Variants in RERE observed in about 807,000 individuals in gnomAD.
RERE encodes the protein arginine-glutamic acid dipeptide repeats, also known as arginine-glutamic acid dipeptide repeats protein.
Under a neutral mutation model 146.1 loss-of-function variants are expected in RERE, and 40 were observed. The observed-to-expected ratio is 0.27, with a 90% CI of 0.21 to 0.36. The LOEUF is 0.36. Among genes scored for constraint, RERE ranks in the 10% least tolerant of loss-of-function variants. The probability of loss-of-function intolerance (pLI) is 1.00; values close to 1 mark genes in which losing one functional copy is unlikely to be tolerated. For missense variants in RERE, 1,933 were observed against 2,138.7 expected, an observed-to-expected ratio of 0.90 and a Z score of 1.90; for synonymous variants, 1,003 against 866.0, an observed-to-expected ratio of 1.16 and a Z score of -2.78.
chr1:8,614,717 G>A, intron 3 of RERE, 31 bp from the exon 4 acceptor site: 1 of 1,587,550 alleles, frequency 6.3e-7, no homozygotes, highest in Non-Finnish European at 8.6e-7. Flanking sequence ...AAGTTAACGT[G>A]CCCAACGCCC....
intron 3 of RERE, among the ~76,000 whole-genome samples, chr1:8,620,777 C>G (rs1401469122): frequency 6.6e-6 from 1 of 151,702 alleles, no homozygotes; most frequent in Non-Finnish European, 1.5e-5. Flanking sequence ...TCTACCCTGC[C>G]TCTTCTGCTT....
At chr1:8,355,700 G>A (rs756440555) in intron 21 of RERE, 101 bp from the exon 22 acceptor site, 14 of 1,050,844 alleles carry the variant, frequency 1.3e-5, no homozygotes, top group Non-Finnish European at 1.9e-5. Context: ...CAGGAGAGGT[G>A]CCAGTTCGGA....
At chr1:8,413,337 A>G (rs1367497663) in intron 12 of RERE, among the ~76,000 whole-genome samples, 2 of 152,148 alleles carry the variant, frequency 1.3e-5, no homozygotes, top group African/African-American at 2.4e-5. Flanking sequence ...AATAAATTTT[A>G]ATTTTGTTTT....
chr1:8,401,038 CATATATATATATATAT>C lies in RERE; in HGVS notation c.1284+21673_1284+21688del, dbSNP rs59752248. Among the ~76,000 whole-genome samples the C allele has an allele frequency of 5.9e-4, 34 of 57,486 alleles. 2 individuals are homozygous for C. Among genetic ancestry groups the C allele is most frequent in the Admixed American group, 3.9e-3 (16 of 4,118 alleles). 37.7% of individuals were successfully genotyped at this position (57,486 alleles called of 152,430 possible). ...GTCTCAAAAAAAAAAAAAAAAAAAC[CATATATATATATATAT>C]ATATATATATATATATATGTCACTT... On this transcript the variant is annotated intron_variant, in intron 12 of 22. Coordinates refer to ENST00000400908, the MANE Select transcript of RERE (RefSeq NM_001042681.2).
At position 8,495,056 on chromosome 1, in the gene RERE, G is replaced by C. The variant is rs373031160; in HGVS notation, c.1104+7C>G. 2 of 1,602,068 alleles carry C rather than the reference G, an allele frequency of 1.2e-6. No individual in the cohort carries two copies. Reference sequence around the variant, plus strand: ...CTTCCCACTCAGGGTGACTTCAAAAGACTTACTGTGTTCAGTGCATTCAGA... The same window carrying C: ...CTTCCCACTCAGGGTGACTTCAAAACACTTACTGTGTTCAGTGCATTCAGA... On this transcript the variant is annotated splice_region_variant and intron_variant, in intron 10 of 22. Coordinates refer to ENST00000400908, the MANE Select transcript of RERE (RefSeq NM_001042681.2).
At position 8,774,347 on chromosome 1, in the gene RERE, A is replaced by ATTTTT. The variant is rs34859762; in HGVS notation, c.-145+42808_-145+42812dup. Among the ~76,000 whole-genome samples the ATTTTT allele has an allele frequency of 8.7e-4, 81 of 93,166 alleles. 2 individuals carry two copies. The highest frequency in any genetic ancestry group is 1.5e-3 in the South Asian group (4 of 2,724). The allele number at this position is 93,166 out of a possible 152,430, so 61.1% of individuals were successfully genotyped here. On this transcript the variant is annotated intron_variant, in intron 1 of 22. Coordinates refer to ENST00000400908, the MANE Select transcript of RERE (RefSeq NM_001042681.2). ...ATTATCTCCTTCATTTTGGCAAACT[A>ATTTTT]TTTTTTTTTTTTTTTTTTTTTTTGC...
intron 1 of RERE, among the ~76,000 whole-genome samples, chr1:8,678,336 G>A (rs1046804377): frequency 9.9e-5 from 15 of 152,020 alleles, no homozygotes; most frequent in African/African-American, 2.9e-4. Flanking sequence ...CGACTTTTGG[G>A]TCTTTTGTTT....
At chr1:8,652,164 T>C (rs1647662234) in intron 2 of RERE, among the ~76,000 whole-genome samples, 2 of 152,090 alleles carry the variant, frequency 1.3e-5, no homozygotes, top group Admixed American at 6.6e-5. Context: ...AGACATCCAC[T>C]GGACCTGGCA....
chr1:8,703,555 C>T lies in RERE; in HGVS notation c.-144-47114G>A, dbSNP rs1490105116. The stretch of plus-strand genomic sequence containing the variant: ...ATGCCAGCTGCAATTTTATCTCCTT[C>T]GTTGCTTGGCCAGCCTCCACCCGCT... On this transcript the variant is annotated intron_variant, in intron 1 of 22. Transcript: ENST00000400908. Among the ~76,000 whole-genome samples the T allele has an allele frequency of 6.3e-4, 96 of 152,202 alleles. 1 individual carries two copies.
intron 1 of RERE, among the ~76,000 whole-genome samples, chr1:8,735,758 T>G (rs1640183042): frequency 6.6e-6 from 1 of 152,136 alleles, no homozygotes; most frequent in African/African-American, 2.4e-5. Context: ...TATAGCACCT[T>G]CCGCCTCTCT....
At chr1:8,659,122 A>G (rs1027465272) in intron 1 of RERE, among the ~76,000 whole-genome samples, 2 of 152,266 alleles carry the variant, frequency 1.3e-5, no homozygotes, top group African/African-American at 4.8e-5. Flanking sequence ...AGTTTTGCCC[A>G]GATGAACCGT....
At chr1:8,657,243 T>C (rs1407441242) in intron 1 of RERE, among the ~76,000 whole-genome samples, 1 of 149,014 alleles carries the variant, frequency 6.7e-6, no homozygotes, top group African/African-American at 2.5e-5. Flanking sequence ...AGACGGAGCT[T>C]GTAGTGAGCC....
intron 1 of RERE, among the ~76,000 whole-genome samples, chr1:8,704,627 T>A (rs1178537849): frequency 6.6e-6 from 1 of 152,196 alleles, no homozygotes. Flanking sequence ...CCAGGCTGAA[T>A]AGAACCCAGG....
intron 7 of RERE, among the ~76,000 whole-genome samples, chr1:8,517,281 C>T (rs907894863): frequency 1.3e-5 from 2 of 152,128 alleles, no homozygotes; most frequent in Non-Finnish European, 2.9e-5. Context: ...AAAGGACAAA[C>T]AGATCAACCT....
intron 1 of RERE, among the ~76,000 whole-genome samples, chr1:8,686,045 G>A (rs1378080159): frequency 2.0e-5 from 3 of 150,734 alleles, no homozygotes; most frequent in South Asian, 2.1e-4. Flanking sequence ...GCAGTAGCAC[G>A]ATCTCAGCTC....
chr1:8,639,114 A>G (rs577896770), intron 2 of RERE, among the ~76,000 whole-genome samples: 1 of 152,130 alleles, frequency 6.6e-6, no homozygotes, highest in South Asian at 2.1e-4. Flanking sequence ...TTATAAATGT[A>G]CTCAAAGGGC....
chr1:8,669,081 G>C lies in RERE; in HGVS notation c.-144-12640C>G, dbSNP rs141202663. 5.5e-3 allele frequency among the ~76,000 whole-genome samples: 548 copies of C among 100,184 alleles called. 17 individuals carry two copies. The highest frequency in any genetic ancestry group is 0.019 in the African/African-American group (517 of 26,760). 65.7% of individuals were successfully genotyped at this position (100,184 alleles called of 152,430 possible). A position where few individuals can be genotyped will look rare whatever the true frequency, so the allele number is the denominator to read the frequency against. On this transcript the variant is annotated intron_variant, in intron 1 of 22. Transcript: ENST00000400908. ...GTGTGTGTGTGTGTGTGTGTGTTGT[G>C]TTTTTAAGACAGGGTCTCACTCTGT... is the stretch of plus-strand genomic sequence containing the variant.
chr1:8,755,411 T>A (rs753999820), intron 1 of RERE, among the ~76,000 whole-genome samples: 17 of 152,210 alleles, frequency 1.1e-4, no homozygotes, highest in Non-Finnish European at 2.1e-4. Flanking sequence ...CTCTTAGCAG[T>A]CCTGTATTTT....
chr1:8,775,458 C>A (rs1641046933), intron 1 of RERE, among the ~76,000 whole-genome samples: 2 of 152,186 alleles, frequency 1.3e-5, no homozygotes, highest in South Asian at 2.1e-4. Flanking sequence ...GTGGCACGCA[C>A]CTGTAGTCCC....
Sources: gnomAD v4.1 joint callset for allele counts (sites outside exome capture counted in the v4.1 genomes callset) on GRCh38, gnomAD v4.1.1 for gene constraint, MANE v1.5 for transcripts, NCBI Gene and HGNC (gene_info 2026-07-23, HGNC 2026-07-21) for gene names.